CYP7A1: variants seen among roughly 807,000 people sequenced by gnomAD.
CYP7A1 encodes cytochrome P450 7A1.
In CYP7A1, 28 loss-of-function variants were observed where a neutral mutation model predicts 43.8. The ratio of observed to expected loss-of-function variants is 0.64; its 90% CI spans 0.47 to 0.88. The LOEUF (loss-of-function observed/expected upper bound fraction) is 0.88, where lower values mean the gene tolerates loss of function less well. CYP7A1 is among the 40% of genes least tolerant of loss of function. The pLI, the probability that CYP7A1 is intolerant of heterozygous loss-of-function variation, is 0.00. For synonymous variants in CYP7A1, 227 were observed against 222.5 expected, an observed-to-expected ratio of 1.02 and a Z score of -0.18; for missense variants, 637 against 611.9, an observed-to-expected ratio of 1.04 and a Z score of -0.43.
chr8:58,496,541 A>T, intron 3 of CYP7A1, 63 bp downstream of exon 3: 2 of 1,348,772 alleles, frequency 1.5e-6, no homozygotes, highest in Admixed American at 1.8e-5. Flanking sequence ...TCTTAAAGTT[A>T]AAGTGGTTTA....
rs1809348768 is a variant in CYP7A1, at chr8:58,491,450, G to A, written c.*25C>T. ...TTCTGCAGTCCTGTAATATCATCTA[G>A]TGTCCTCTTATTCCAGCCATGTATT... On this transcript the variant is annotated 3_prime_UTR_variant, in exon 6 of 6. Transcript: ENST00000301645. 1 of 1,603,226 alleles carries A rather than the reference G, an allele frequency of 6.2e-7. No homozygotes were observed. The highest frequency in any genetic ancestry group is 1.1e-5 in the South Asian group (1 of 90,674).
Position 58,491,576 on chromosome 8 carries a change from C to A in CYP7A1, c.1414G>T (p.Gly472Cys). The A allele has an allele frequency of 1.2e-6, 2 of 1,614,068 alleles. No homozygotes were observed. Among genetic ancestry groups the A allele is most frequent in the Non-Finnish European group, 1.7e-6 (2 of 1,180,008 alleles). Residue 472 changes from glycine to cysteine, a missense_variant, in exon 6 of 6, where the codon GGC becomes TGC. Gly to Cys is a radical substitution (Grantham distance 159). Coordinates refer to ENST00000301645, the MANE Select transcript of CYP7A1 (RefSeq NM_000780.4). Reference protein sequence around the residue: ...LSYFELELIEGQAKCPPLDQS... With the variant: ...LSYFELELIECQAKCPPLDQS... ...TCCAAAGGTGGACATTTAGCTTGGC[C>A]CTCTATAAGCTCCAATTCAAAATAA...
At position 58,498,381 on chromosome 8, in the gene CYP7A1, T is replaced by G; in HGVS notation, c.169A>C (p.Arg57=). The G allele has an allele frequency of 6.2e-7, 1 of 1,614,154 alleles. No individual in the cohort carries two copies. Among genetic ancestry groups the G allele is most frequent in the Non-Finnish European group, 8.5e-7 (1 of 1,180,004 alleles). The change falls in exon 2 of 6, where the codon AGA becomes CGA. Residue 57 remains arginine (R), a synonymous_variant. Coordinates refer to ENST00000301645, the MANE Select transcript of CYP7A1 (RefSeq NM_000780.4). The part of the protein sequence containing the change: ...QFGANPLEFL[R]ANQRKHGHVF... ...TGACCATGTTTCCTTTGATTTGCTC[T>G]GAGGAACTCAAGAGGATTGGCACCA...
chr8:58,495,450 G>A (rs986346817), intron 3 of CYP7A1, among the ~76,000 whole-genome samples: 2 of 151,980 alleles, frequency 1.3e-5, no homozygotes, highest in South Asian at 2.1e-4. Flanking sequence ...GGATGGTCTC[G>A]ATCTCCTGAC....
chr8:58,497,619 C>T lies in CYP7A1; in HGVS notation c.322-429G>A, dbSNP rs6990530. On this transcript the variant is annotated intron_variant, in intron 2 of 5. Transcript: ENST00000301645. ...GCAGCCTCAAACTCCTGGACTCAAGCGATCCTCCTGCCTCAGCCTCTCAAA... is the reference window on the plus strand; with the variant it reads ...GCAGCCTCAAACTCCTGGACTCAAGTGATCCTCCTGCCTCAGCCTCTCAAA... Among the ~76,000 whole-genome samples, 1,498 of 152,228 alleles carry T rather than the reference C, an allele frequency of 9.8e-3. 26 individuals carry two copies. Among genetic ancestry groups the T allele is most frequent in the African/African-American group, 0.034 (1,403 of 41,536 alleles).
chr8:58,500,153 A>G lies in CYP7A1; in HGVS notation c.-55T>C, dbSNP rs1465189035. The G allele has an allele frequency of 7.3e-7, 1 of 1,372,994 alleles. No individual in the cohort carries two copies. Among genetic ancestry groups the G allele is most frequent in the Non-Finnish European group, 1.0e-6 (1 of 960,712 alleles). The allele number at this position is 1,372,994 out of a possible 1,614,324, so 85.1% of individuals were successfully genotyped here. On this transcript the variant is annotated 5_prime_UTR_variant, in exon 1 of 6. Transcript: ENST00000301645. The stretch of plus-strand genomic sequence containing the variant: ...AAGAAAATCTCTGATTAGAAAGGGA[A>G]GGATGCCACTGAAAAGAGACTCAAG...
intron 4 of CYP7A1, among the ~76,000 whole-genome samples, chr8:58,492,900 G>A (rs28483956): frequency 0.098 from 14,844 of 151,966 alleles, 1,017 homozygotes; most frequent in East Asian, 0.27. Context: ...GAGTAGCTGC[G>A]ACTATAGGCA....
At chr8:58,494,861 C>T (rs1320514608) in intron 3 of CYP7A1, among the ~76,000 whole-genome samples, 1 of 152,032 alleles carries the variant, frequency 6.6e-6, no homozygotes, top group Non-Finnish European at 1.5e-5. Context: ...TGCGGCCGGC[C>T]GTGGTGGCAC....
At chr8:58,499,269 C>A (rs908653585) in intron 1 of CYP7A1, among the ~76,000 whole-genome samples, 1 of 152,308 alleles carries the variant, frequency 6.6e-6, no homozygotes, top group African/African-American at 2.4e-5. Flanking sequence ...AAACACATAG[C>A]AATCTACAAA....
At chr8:58,494,911 G>A (rs1156477235) in intron 3 of CYP7A1, among the ~76,000 whole-genome samples, 2 of 152,010 alleles carry the variant, frequency 1.3e-5, no homozygotes, top group African/African-American at 4.8e-5. Flanking sequence ...CGAGGCGGGC[G>A]GATCATGAGG....
chr8:58,499,146 T>G (rs1308557685), intron 1 of CYP7A1, among the ~76,000 whole-genome samples: 2 of 152,206 alleles, frequency 1.3e-5, no homozygotes, highest in Non-Finnish European at 2.9e-5. Context: ...CTTCTGTACC[T>G]CTTGATAGAA....
intron 1 of CYP7A1, 111 bp from the exon 2 acceptor site, chr8:58,498,580 T>A: frequency 8.8e-7 from 1 of 1,142,762 alleles, no homozygotes; most frequent in Admixed American, 1.8e-5. Flanking sequence ...CCCTATAGTT[T>A]ATAGATATTT....
In CYP7A1 at chr8:58,491,159, AAAAAT is replaced by A. The variant is rs1174787862; in HGVS notation, c.*311_*315del. The A allele has an allele frequency of 6.2e-6, 2 of 323,872 alleles. No individual in the cohort carries two copies. The highest frequency in any genetic ancestry group is 6.1e-5 in the East Asian group (1 of 16,362). The allele number at this position is 323,872 out of a possible 1,614,324, so 20.1% of individuals were successfully genotyped here. ...TGTAATGTGTATCTTCATTTTGAAA[AAAAAT>A]AAAATAAAGGTGTTTTCCTTTGAAA... On this transcript the variant is annotated 3_prime_UTR_variant, in exon 6 of 6. Transcript: ENST00000301645.
Position 58,496,755 on chromosome 8 carries a change from T to C in CYP7A1, c.757A>G (p.Ile253Val), listed in dbSNP as rs530012264. 1.9e-6 allele frequency: 3 copies of C among 1,614,232 alleles called. No homozygotes were observed. Among genetic ancestry groups the C allele is most frequent in the African/African-American group, 2.7e-5 (2 of 75,058 alleles). ...ATGCGCAGGCTGATCAGTTCTGAGA[T>C]GCTTTCCCTCTTTTGGAGGTTCTCG... ...RHENLQKRES[I>V]SELISLRMFL... Residue 253 changes from isoleucine to valine, a missense_variant, in exon 3 of 6, where the codon ATC becomes GTC. By Grantham distance (29) the Ile-to-Val change is conservative. Coordinates refer to ENST00000301645, the MANE Select transcript of CYP7A1 (RefSeq NM_000780.4).
chr8:58,492,638 G>GGCAGTGTTATGC (rs1809370036), intron 4 of CYP7A1, 110 bp from the exon 5 acceptor site: 1 of 874,218 alleles, frequency 1.1e-6, no homozygotes, highest in Admixed American at 2.1e-5. Context: ...CTGAACTACA[G>GGCAGTGTTATGC]ACAGCCTGGC....
chr8:58,491,017 C>T lies in CYP7A1; in HGVS notation c.*458G>A, dbSNP rs8192879. On this transcript the variant is annotated 3_prime_UTR_variant, in exon 6 of 6. Transcript: ENST00000301645. ...CCAATTAGAATACATATCTTTTCTT[C>T]GGAGACGGGATCTCACTAAGCTGTC... is the stretch of plus-strand genomic sequence containing the variant. 54,294 of 156,314 alleles carry T rather than the reference C, an allele frequency of 0.35. 9,965 individuals carry two copies. Among genetic ancestry groups the T allele is most frequent in the Admixed American group, 0.46 (7,230 of 15,578 alleles). The allele number at this position is 156,314 out of a possible 1,614,324, so 9.7% of individuals were successfully genotyped here. A position where few individuals can be genotyped will look rare whatever the true frequency, so the allele number is the denominator to read the frequency against.
At position 58,491,456 on chromosome 8, in the gene CYP7A1, T is replaced by G; in HGVS notation, c.*19A>C. On this transcript the variant is annotated 3_prime_UTR_variant, in exon 6 of 6. Coordinates refer to ENST00000301645, the MANE Select transcript of CYP7A1 (RefSeq NM_000780.4). ...AGTCCTGTAATATCATCTAGTGTCCTCTTATTCCAGCCATGTATTCACAAA... is the reference window on the plus strand; with the variant it reads ...AGTCCTGTAATATCATCTAGTGTCCGCTTATTCCAGCCATGTATTCACAAA... 6.2e-7 allele frequency: 1 copy of G among 1,610,960 alleles called. No homozygotes were observed. The highest frequency in any genetic ancestry group is 1.3e-5 in the African/African-American group (1 of 75,002).
chr8:58,490,605 T>G lies in CYP7A1; in HGVS notation c.*870A>C, dbSNP rs1048510881. ...GACAGAAAAACTACCTTTTTTAATCTCTGAGAAAACTCTTCTCATTAATGT... is the reference window on the plus strand; with the variant it reads ...GACAGAAAAACTACCTTTTTTAATCGCTGAGAAAACTCTTCTCATTAATGT... On this transcript the variant is annotated 3_prime_UTR_variant, in exon 6 of 6. Coordinates refer to ENST00000301645, the MANE Select transcript of CYP7A1 (RefSeq NM_000780.4). 1.6e-4 allele frequency: 24 copies of G among 152,196 alleles called. 1 individual carries two copies. Among genetic ancestry groups the G allele is most frequent in the Admixed American group, 5.2e-4 (8 of 15,284 alleles). 9.4% of individuals were successfully genotyped at this position (152,196 alleles called of 1,614,324 possible). A position where few individuals can be genotyped will look rare whatever the true frequency, so the allele number is the denominator to read the frequency against.
intron 5 of CYP7A1, 105 bp from the exon 6 acceptor site, chr8:58,491,879 C>T (rs912464914): frequency 3.2e-6 from 3 of 946,640 alleles, no homozygotes; most frequent in Non-Finnish European, 4.9e-6. Context: ...TTAATTCTAC[C>T]CCATTAGTGA....
Sources: allele counts gnomAD v4.1 joint callset (sites outside exome capture counted in the v4.1 genomes callset), GRCh38; gene constraint gnomAD v4.1.1; transcripts MANE v1.5; gene names NCBI Gene and HGNC (gene_info 2026-07-23, HGNC 2026-07-21).